SFSWAP: variants seen among roughly 807,000 people sequenced by gnomAD.
The protein encoded by SFSWAP is splicing factor SWAP.
Under a neutral mutation model 100.7 loss-of-function variants are expected in SFSWAP, and 17 were observed. That is an observed-to-expected ratio of 0.17 (90% CI 0.12 to 0.25). The LOEUF (loss-of-function observed/expected upper bound fraction) is 0.25, where lower values mean the gene tolerates loss of function less well. Among genes scored for constraint, SFSWAP ranks in the 10% least tolerant of loss-of-function variants. SFSWAP has a pLI of 1.00. For synonymous variants in SFSWAP, 504 were observed against 510.1 expected (o/e 0.99, Z 0.16); for missense variants, 1,005 against 1,262.6 (o/e 0.80, Z 3.09).
intron 7 of SFSWAP, among the ~76,000 whole-genome samples, chr12:131,747,536 C>T (rs1881246301): frequency 6.6e-6 from 1 of 152,144 alleles, no homozygotes; most frequent in Non-Finnish European, 1.5e-5. Context: ...GAGAGGTCGC[C>T]ATGGGAGGGA....
At chr12:131,740,825 C>T (rs953980183) in intron 7 of SFSWAP, among the ~76,000 whole-genome samples, 1 of 152,148 alleles carries the variant, frequency 6.6e-6, no homozygotes, top group African/African-American at 2.4e-5. Context: ...CTGCAGCTGC[C>T]CAGCCTCTAT....
chr12:131,735,578 C>T lies in SFSWAP; in HGVS notation c.1081+7150C>T, dbSNP rs1049819729. 3.3e-5 allele frequency among the ~76,000 whole-genome samples: 5 copies of T among 152,178 alleles called. No individual in the cohort carries two copies. In the South Asian group the frequency reaches 6.2e-4, roughly 19 times the overall value. On this transcript the variant is annotated intron_variant, in intron 7 of 17. Coordinates refer to ENST00000261674, the MANE Select transcript of SFSWAP (RefSeq NM_004592.4). ...TAGTTGGCGCTTTAAGCAAAATAGG[C>T]GGTTAAAAACAGGTCTACACATGCT...
chr12:131,745,584 T>C (rs1881029667), intron 7 of SFSWAP, among the ~76,000 whole-genome samples: 1 of 152,208 alleles, frequency 6.6e-6, no homozygotes, highest in South Asian at 2.1e-4. Context: ...TTTACATGCA[T>C]AGAATGTGGA....
At chr12:131,737,721 T>C (rs1025891283) in intron 7 of SFSWAP, among the ~76,000 whole-genome samples, 1 of 152,102 alleles carries the variant, frequency 6.6e-6, no homozygotes, top group Non-Finnish European at 1.5e-5. Flanking sequence ...TCTTTCTTAT[T>C]TACTTCCTAC....
intron 13 of SFSWAP, among the ~76,000 whole-genome samples, chr12:131,775,265 G>C (rs1350346831): frequency 6.6e-6 from 1 of 152,182 alleles, no homozygotes; most frequent in Non-Finnish European, 1.5e-5. Flanking sequence ...CTCGAGGGTG[G>C]AGTATGTGTC....
intron 11 of SFSWAP, chr12:131,757,548 C>CAGGTGTGGCAGTGGGGTG (rs1882288520): frequency 6.5e-6 from 1 of 152,688 alleles, no homozygotes; most frequent in African/African-American, 2.4e-5. Context: ...TGGAGTGTGA[C>CAGGTGTGGCAGTGGGGTG]AGGTGTGGCA....
chr12:131,729,733 C>T (rs550892997), intron 7 of SFSWAP, among the ~76,000 whole-genome samples: 4 of 152,212 alleles, frequency 2.6e-5, no homozygotes, highest in African/African-American at 7.2e-5. Flanking sequence ...TTAGCAGAGC[C>T]GAGGAACCAC....
chr12:131,729,111 C>T (rs1393796127), intron 7 of SFSWAP, among the ~76,000 whole-genome samples: 2 of 152,158 alleles, frequency 1.3e-5, no homozygotes, highest in Admixed American at 1.3e-4. Context: ...ATGGGGCCTC[C>T]GTTAAACACG....
At position 131,753,501 on chromosome 12, in the gene SFSWAP, A is replaced by G. The variant is rs1160544591; in HGVS notation, c.1322+138A>G. ...CATTGTCTGAGTAGTTATTATTCCA[A>G]ATCCCCAAGTTACAAAGTTGACAGG... On this transcript the variant is annotated intron_variant, in intron 8 of 17. Coordinates refer to ENST00000261674, the MANE Select transcript of SFSWAP (RefSeq NM_004592.4). 7 of 1,146,034 alleles carry G rather than the reference A, an allele frequency of 6.1e-6. No individual in the cohort carries two copies. The African/African-American group carries it at 9.3e-5, about 15-fold the overall frequency. 71.0% of individuals were successfully genotyped at this position (1,146,034 alleles called of 1,614,324 possible).
chr12:131,797,097 C>G, intron 15 of SFSWAP, 81 bp from the exon 16 acceptor site: 1 of 1,321,324 alleles, frequency 7.6e-7, no homozygotes, highest in East Asian at 2.3e-5. Context: ...TAGCCAAAAA[C>G]TGGCTCAGAT....
At chr12:131,740,824 C>T (rs1880531190) in intron 7 of SFSWAP, among the ~76,000 whole-genome samples, 1 of 152,148 alleles carries the variant, frequency 6.6e-6, no homozygotes, top group African/African-American at 2.4e-5. Context: ...CCTGCAGCTG[C>T]CCAGCCTCTA....
At chr12:131,763,676 T>C (rs1882860191) in intron 11 of SFSWAP, among the ~76,000 whole-genome samples, 1 of 152,188 alleles carries the variant, frequency 6.6e-6, no homozygotes, top group Non-Finnish European at 1.5e-5. Flanking sequence ...GTTTGCTGAA[T>C]AAAGGCATGG....
rs1879733547 is a variant in SFSWAP, at chr12:131,733,760, A to G, written c.1081+5332A>G. 6.6e-6 allele frequency among the ~76,000 whole-genome samples: 1 copy of G among 151,948 alleles called. No individual in the cohort carries two copies. Among genetic ancestry groups the G allele is most frequent in the African/African-American group, 2.4e-5 (1 of 41,362 alleles). Reference sequence around the variant, plus strand: ...AGGCTTGGTGAGGTGGGGGACAGGCAGGGGTGGGCCCCGAGGTGTGCAGAG... The same window carrying G: ...AGGCTTGGTGAGGTGGGGGACAGGCGGGGGTGGGCCCCGAGGTGTGCAGAG... On this transcript the variant is annotated intron_variant, in intron 7 of 17. Coordinates refer to ENST00000261674, the MANE Select transcript of SFSWAP (RefSeq NM_004592.4). The surrounding 1 kb of genome is among the most constrained non-coding windows in gnomAD (Gnocchi z 5.1).
In SFSWAP at chr12:131,725,563, C is replaced by T; in HGVS notation, c.765C>T (p.Phe255=). 1.2e-6 allele frequency: 2 copies of T among 1,614,164 alleles called. No homozygotes were observed. The highest frequency in any genetic ancestry group is 1.7e-6 in the Non-Finnish European group (2 of 1,180,032). The stretch of plus-strand genomic sequence containing the variant: ...ACTACCTCAACCCCTACTATAAGTT[C>T]ATCCAGAAAGCCATGAAAGAGGGAC... ...FDHYLNPYYK[F]IQKAMKEGRY... Residue 255 remains phenylalanine, a synonymous_variant, in exon 5 of 18, where the codon TTC becomes TTT. Transcript: ENST00000261674. The surrounding 1 kb of genome is among the most constrained non-coding windows in gnomAD (Gnocchi z 4.3).
chr12:131,789,939 G>C (rs968267288), intron 15 of SFSWAP, among the ~76,000 whole-genome samples: 1 of 152,158 alleles, frequency 6.6e-6, no homozygotes, highest in East Asian at 1.9e-4. Flanking sequence ...CCCCACCAGC[G>C]AGGAATCCAG....
chr12:131,766,038 T>G, intron 12 of SFSWAP, 80 bp from the exon 13 acceptor site: 1 of 1,429,068 alleles, frequency 7.0e-7, no homozygotes, highest in Non-Finnish European at 9.5e-7. Flanking sequence ...TGTATGACAC[T>G]TTTGCAACCT....
intron 4 of SFSWAP, among the ~76,000 whole-genome samples, chr12:131,721,826 A>C (rs1473371068): frequency 6.6e-6 from 1 of 152,248 alleles, no homozygotes; most frequent in African/African-American, 2.4e-5. Flanking sequence ...ATGATATTAT[A>C]GAAAGGCCTC....
intron 4 of SFSWAP, chr12:131,723,154 A>G (rs1215531317): frequency 6.6e-6 from 1 of 152,016 alleles, no homozygotes; most frequent in Non-Finnish European, 1.5e-5. Flanking sequence ...ATTTCATCAT[A>G]ATTTAGGTAC....
At position 131,756,590 on chromosome 12, in the gene SFSWAP, G is replaced by A. The variant is rs769428203; in HGVS notation, c.1666G>A (p.Gly556Arg). ...GGTGGGAGCACGGGCAGGCTCAGGCGGGAAGAAGGAGGCATCGTCCAGTAA... is the reference window on the plus strand; with the variant it reads ...GGTGGGAGCACGGGCAGGCTCAGGCAGGAAGAAGGAGGCATCGTCCAGTAA... ...AEVGARAGSG[G>R]KKEASSSKTV... Residue 556 changes from glycine to arginine, a missense_variant, in exon 11 of 18, where the codon GGG becomes AGG. Transcript: ENST00000261674. 5.3e-5 allele frequency: 86 copies of A among 1,612,622 alleles called. 2 individuals carry two copies. In the South Asian group the frequency reaches 7.5e-4, roughly 14 times the overall value.
Sources: gnomAD v4.1 joint callset for allele counts (sites outside exome capture counted in the v4.1 genomes callset) on GRCh38, gnomAD v4.1.1 for gene constraint, Gnocchi (gnomAD v3.1) non-coding constraint, MANE v1.5 for transcripts, NCBI Gene and HGNC (gene_info 2026-07-23, HGNC 2026-07-21) for gene names.